Variants in TANC2 observed in about 807,000 individuals in gnomAD.
TANC2 encodes the protein protein TANC2.
A neutral mutation model predicts 210.5 loss-of-function variants in TANC2; 26 were observed. That is an observed-to-expected ratio of 0.12 (90% CI 0.09 to 0.17). TANC2 has a LOEUF of 0.17. Among genes scored for constraint, TANC2 ranks in the 10% least tolerant of loss-of-function variants. TANC2 has a pLI of 1.00. For missense variants in TANC2, 2,129 were observed against 2,608.9 expected (o/e 0.82, Z 4.01); for synonymous variants, 931 against 967.1 (o/e 0.96, Z 0.69).
intron 3 of TANC2, among the ~76,000 whole-genome samples, chr17:63,091,680 T>C (rs990471055): frequency 3.3e-5 from 5 of 152,198 alleles, no homozygotes; most frequent in Admixed American, 2.0e-4. Flanking sequence ...CTTAGGATTG[T>C]CTTAGAAATG....
chr17:63,227,336 C>T (rs1000579442), intron 7 of TANC2, among the ~76,000 whole-genome samples: 1 of 152,146 alleles, frequency 6.6e-6, no homozygotes, highest in Non-Finnish European at 1.5e-5. Flanking sequence ...TTTTGATTTG[C>T]ATTTCTCTAA....
chr17:63,022,144 G>A (rs535513497), intron 2 of TANC2, among the ~76,000 whole-genome samples: 1 of 152,170 alleles, frequency 6.6e-6, no homozygotes, highest in Admixed American at 6.5e-5. Context: ...TTCAAGATCA[G>A]CCTGGGCAAG....
At chr17:63,355,485 A>G in intron 14 of TANC2, 95 bp downstream of exon 14, 1 of 1,314,320 alleles carries the variant, frequency 7.6e-7, no homozygotes, top group Non-Finnish European at 1.0e-6. Flanking sequence ...TTCATTGAAC[A>G]TTTCACATAG....
rs147486325 is a variant in TANC2 at position 63,125,595 on chromosome 17, TA to T, written c.323-25674del. 3.4e-3 allele frequency among the ~76,000 whole-genome samples: 516 copies of T among 152,336 alleles called. 3 individuals are homozygous for T. Among genetic ancestry groups the T allele is most frequent in the Non-Finnish European group, 5.5e-3 (373 of 68,026 alleles). On this transcript the variant is annotated intron_variant, in intron 4 of 27. Transcript: ENST00000689528. ...TGGTGTCCTCTCCTGATAACAGTAA[TA>T]TTGTAACCATTAATGTTCAGAGTAT...
Position 63,415,512 on chromosome 17 carries a change from C to A in TANC2, c.4021-16C>A. ...GCAGACCAACTGTGTGTTTCGCCAT[C>A]TTGTGCTCCCATTAGAAAGGTAAAG... On this transcript the variant is annotated splice_polypyrimidine_tract_variant and intron_variant, in intron 25 of 27. Coordinates refer to ENST00000689528, the Ensembl canonical transcript of TANC2. 1 of 1,612,736 alleles carries A rather than the reference C, an allele frequency of 6.2e-7. No homozygotes were observed. Among genetic ancestry groups the A allele is most frequent in the East Asian group, 2.2e-5 (1 of 44,886 alleles).
intron 9 of TANC2, among the ~76,000 whole-genome samples, chr17:63,303,191 G>A (rs546785227): frequency 9.9e-5 from 15 of 152,250 alleles, no homozygotes; most frequent in Admixed American, 1.3e-4. Context: ...TTTCTTCATG[G>A]TGTCATTGGT....
chr17:63,310,505 C>T (rs1342016651), intron 9 of TANC2, among the ~76,000 whole-genome samples: 1 of 151,990 alleles, frequency 6.6e-6, no homozygotes, highest in Non-Finnish European at 1.5e-5. Flanking sequence ...AGGCAAAGAA[C>T]TGAGAAAATT....
At chr17:63,267,678 G>A (rs916843425) in intron 8 of TANC2, 70 bp from the exon 9 acceptor site, 33 of 1,514,524 alleles carry the variant, frequency 2.2e-5, no homozygotes, top group South Asian at 2.0e-4. Flanking sequence ...CCAAAGTTCC[G>A]GAGATACAGA....
exon 11 of TANC2, chr17:63,319,060 G>A (rs1161761256): frequency 1.9e-6 from 3 of 1,613,456 alleles, no homozygotes; most frequent in Non-Finnish European, 2.5e-6. Flanking sequence ...GCAGGCGGCA[G>A]GAGGAGGCTA....
intron 3 of TANC2, among the ~76,000 whole-genome samples, chr17:63,087,156 C>G (rs568229675): frequency 6.6e-6 from 1 of 152,332 alleles, no homozygotes; most frequent in African/African-American, 2.4e-5. Flanking sequence ...GAACCAAATC[C>G]GGACACACTG....
chr17:63,030,022 G>A (rs2034705990), intron 2 of TANC2, among the ~76,000 whole-genome samples: 1 of 152,130 alleles, frequency 6.6e-6, no homozygotes, highest in South Asian at 2.1e-4. Flanking sequence ...CATGCTTTGT[G>A]TGCCATGCTA....
intron 1 of TANC2, among the ~76,000 whole-genome samples, chr17:62,981,361 A>AC (rs1021273238): frequency 3.3e-5 from 5 of 151,066 alleles, no homozygotes; most frequent in Non-Finnish European, 5.9e-5. Flanking sequence ...ATTAGAACCT[A>AC]CCCCCCCTCA....
intron 24 of TANC2, 57 bp from the exon 25 acceptor site, chr17:63,413,486 C>T: frequency 7.2e-7 from 1 of 1,386,804 alleles, no homozygotes; most frequent in Non-Finnish European, 9.8e-7. Flanking sequence ...CACCTAGCTT[C>T]CTACCACCCT....
At chr17:63,326,695 A>AC (rs1291382293) in intron 11 of TANC2, among the ~76,000 whole-genome samples, 1 of 152,130 alleles carries the variant, frequency 6.6e-6, no homozygotes, top group East Asian at 1.9e-4. Context: ...ATGCCACTGC[A>AC]CTCCAGCCTG....
At chr17:63,049,622 T>C (rs1393484591) in intron 2 of TANC2, among the ~76,000 whole-genome samples, 2 of 152,188 alleles carry the variant, frequency 1.3e-5, no homozygotes, top group Admixed American at 6.5e-5. Flanking sequence ...GGCCAGGTAA[T>C]GTAGAGCTTT....
intron 1 of TANC2, among the ~76,000 whole-genome samples, chr17:62,983,176 ATTTC>A (rs1427899411): frequency 3.3e-5 from 5 of 151,960 alleles, no homozygotes; most frequent in Non-Finnish European, 7.4e-5. Flanking sequence ...CCTCAGTTAA[ATTTC>A]TTTCTAAGTA....
chr17:63,073,547 G>A (rs1241309479), intron 2 of TANC2, among the ~76,000 whole-genome samples: 1 of 151,950 alleles, frequency 6.6e-6, no homozygotes, highest in Non-Finnish European at 1.5e-5. Context: ...ACAGTACTAG[G>A]GATTATTTGA....
intron 4 of TANC2, among the ~76,000 whole-genome samples, chr17:63,101,923 G>A (rs1248198390): frequency 6.6e-6 from 1 of 152,132 alleles, no homozygotes; most frequent in Admixed American, 6.6e-5. Flanking sequence ...AAGTCCTAAA[G>A]CAGAAATGAG....
intron 7 of TANC2, among the ~76,000 whole-genome samples, chr17:63,226,366 C>T (rs1332994240): frequency 6.6e-6 from 1 of 152,122 alleles, no homozygotes; most frequent in East Asian, 1.9e-4. Flanking sequence ...GGGATAAAAT[C>T]TAATCCCTTT....
Sources: allele counts gnomAD v4.1 joint callset (sites outside exome capture counted in the v4.1 genomes callset), GRCh38; gene constraint gnomAD v4.1.1; transcripts MANE v1.5; gene names NCBI Gene and HGNC (gene_info 2026-07-23, HGNC 2026-07-21).